The following SLC44A1 variants were observed in gnomAD, a reference collection of about 807,000 sequenced individuals.
The protein encoded by SLC44A1 is solute carrier family 44 member 1, also known as choline transporter-like protein 1.
A neutral mutation model predicts 79.3 loss-of-function variants in SLC44A1; 26 were observed. The ratio of observed to expected loss-of-function variants is 0.33; its 90% CI spans 0.24 to 0.46. SLC44A1 has a LOEUF of 0.46. Ranked by LOEUF, SLC44A1 falls within the 20% of genes least tolerant of loss-of-function variation. SLC44A1 has a pLI of 1.00. For missense variants in SLC44A1, 688 were observed against 798.1 expected (o/e 0.86, Z 1.66); for synonymous variants, 263 against 286.2 (o/e 0.92, Z 0.82).
intron 15 of SLC44A1, among the ~76,000 whole-genome samples, chr9:105,425,352 T>A (rs574293896): frequency 6.6e-6 from 1 of 152,312 alleles, no homozygotes; most frequent in South Asian, 2.1e-4. Context: ...AAAAAATACC[T>A]GAGCATAATT....
At chr9:105,365,339 A>G (rs1827905813) in intron 10 of SLC44A1, 144 bp from the exon 11 acceptor site, 2 of 610,544 alleles carry the variant, frequency 3.3e-6, no homozygotes, top group Admixed American at 3.0e-5. Flanking sequence ...ATAGTTATAT[A>G]TCACTTGGCC....
At chr9:105,416,186 C>T (rs377604068) in intron 15 of SLC44A1, among the ~76,000 whole-genome samples, 3 of 152,012 alleles carry the variant, frequency 2.0e-5, no homozygotes, top group South Asian at 2.1e-4. Flanking sequence ...CATGAGCCAC[C>T]GCACCCAGCC....
chr9:105,289,800 GTGTTTTTTTT>G (rs1017651907), intron 1 of SLC44A1, among the ~76,000 whole-genome samples: 4 of 150,178 alleles, frequency 2.7e-5, no homozygotes, highest in African/African-American at 7.4e-5. Context: ...TCAGTTCTCA[GTGTTTTTTTT>G]TGTTTTTTTT....
intron 4 of SLC44A1, among the ~76,000 whole-genome samples, chr9:105,344,905 A>G (rs1827202689): frequency 6.6e-6 from 1 of 152,208 alleles, no homozygotes; most frequent in African/African-American, 2.4e-5. Context: ...GTGTGTAGAA[A>G]TTCTGCTCAG....
chr9:105,354,039 C>CTTTTTTTTTTTTTTTTTT lies in SLC44A1; in HGVS notation c.501-2161_501-2144dup, dbSNP rs556502972. On this transcript the variant is annotated intron_variant, in intron 5 of 15. Coordinates refer to ENST00000374720, the MANE Select transcript of SLC44A1 (RefSeq NM_080546.5). ...TTGACTTAGAAATTTACAGTTAATC[C>CTTTTTTTTTTTTTTTTTT]TTTTTTTTTTTTTTTTTTTTTTTTT... 7.1e-5 allele frequency among the ~76,000 whole-genome samples: 7 copies of CTTTTTTTTTTTTTTTTTT among 98,484 alleles called. 1 individual carries two copies. The highest frequency in any genetic ancestry group is 3.0e-4 in the African/African-American group (6 of 19,764). The allele number at this position is 98,484 out of a possible 152,430, so 64.6% of individuals were successfully genotyped here.
chr9:105,361,055 G>A (rs1457510496), intron 7 of SLC44A1, 136 bp from the exon 8 acceptor site: 2 of 819,860 alleles, frequency 2.4e-6, no homozygotes, highest in Non-Finnish European at 2.0e-6. Context: ...TTATAGCTAT[G>A]TACTTCCCAG....
chr9:105,355,718 T>G (rs1232556456), intron 5 of SLC44A1, among the ~76,000 whole-genome samples: 2 of 152,230 alleles, frequency 1.3e-5, no homozygotes, highest in African/African-American at 4.8e-5. Context: ...TGAGATTTTG[T>G]ATGCTGTTTT....
chr9:105,319,312 A>G (rs1252477985), intron 3 of SLC44A1, among the ~76,000 whole-genome samples: 2 of 152,320 alleles, frequency 1.3e-5, no homozygotes, highest in East Asian at 3.9e-4. Flanking sequence ...AGGAAAGGAT[A>G]TAGAGTAAAA....
chr9:105,345,628 AG>A (rs1193640002), intron 4 of SLC44A1, among the ~76,000 whole-genome samples: 7 of 151,994 alleles, frequency 4.6e-5, no homozygotes, highest in African/African-American at 1.7e-4. Flanking sequence ...CATACCTCTT[AG>A]GGGAGTTGAT....
chr9:105,403,510 A>G (rs2131500571), intron 15 of SLC44A1, among the ~76,000 whole-genome samples: 2 of 151,886 alleles, frequency 1.3e-5, no homozygotes, highest in Non-Finnish European at 2.9e-5. Flanking sequence ...CAGAAAGATA[A>G]GTCTTCATTT....
Position 105,395,017 on chromosome 9 carries a change from A to C in SLC44A1, c.*5961A>C. 1 of 985,446 alleles carries C rather than the reference A, an allele frequency of 1.0e-6. No homozygotes were observed. Among genetic ancestry groups the C allele is most frequent in the African/African-American group, 1.7e-5 (1 of 57,342 alleles). 61.0% of individuals were successfully genotyped at this position (985,446 alleles called of 1,614,324 possible). A position where few individuals can be genotyped will look rare whatever the true frequency, so the allele number is the denominator to read the frequency against. The stretch of plus-strand genomic sequence containing the variant: ...TGGAAGGCTCCCTGGGCCCTTGAAA[A>C]AGCAGGCAGAAACTCATCAAGGGGT... On this transcript the variant is annotated 3_prime_UTR_variant, in exon 16 of 16. Coordinates refer to ENST00000374720, the MANE Select transcript of SLC44A1 (RefSeq NM_080546.5).
intron 3 of SLC44A1, among the ~76,000 whole-genome samples, chr9:105,321,368 T>G (rs1826388353): frequency 2.0e-5 from 3 of 152,236 alleles, no homozygotes; most frequent in Admixed American, 2.0e-4. Context: ...CAAAAATAGA[T>G]TTTGTTATAG....
Position 105,393,387 on chromosome 9 carries a change from A to T in SLC44A1, c.*4331A>T. ...CCAAGAGAAAATCTAAAGCTAGCAA[A>T]CTTAAAAAACAAAACAAAAATTACA... On this transcript the variant is annotated 3_prime_UTR_variant, in exon 16 of 16. Transcript: ENST00000374720. The T allele has an allele frequency of 1.0e-6, 1 of 985,352 alleles. No individual in the cohort carries two copies. The highest frequency in any genetic ancestry group is 1.2e-6 in the Non-Finnish European group (1 of 829,844). 61.0% of individuals were successfully genotyped at this position (985,352 alleles called of 1,614,324 possible).
In SLC44A1 at chr9:105,396,795, C is replaced by T. The variant is rs1828885940; in HGVS notation, c.*7739C>T. Reference sequence around the variant, plus strand: ...TTTTTGTATCTTGTCTTGTCTTTGTCCATTATAAACTGGAGGATCACAGTT... The same window carrying T: ...TTTTTGTATCTTGTCTTGTCTTTGTTCATTATAAACTGGAGGATCACAGTT... On this transcript the variant is annotated 3_prime_UTR_variant, in exon 16 of 16. Coordinates refer to ENST00000374720, the MANE Select transcript of SLC44A1 (RefSeq NM_080546.5). The T allele has an allele frequency of 1.0e-6, 1 of 983,630 alleles. No individual in the cohort carries two copies. The highest frequency in any genetic ancestry group is 1.8e-5 in the African/African-American group (1 of 56,758). The allele number at this position is 983,630 out of a possible 1,614,324, so 60.9% of individuals were successfully genotyped here.
chr9:105,358,106 A>G (rs1471658662), intron 6 of SLC44A1, among the ~76,000 whole-genome samples: 1 of 152,020 alleles, frequency 6.6e-6, no homozygotes, highest in Non-Finnish European at 1.5e-5. Flanking sequence ...ATTTGCATGT[A>G]TTTTTTTCTG....
At chr9:105,252,996 C>T (rs114624657) in intron 1 of SLC44A1, among the ~76,000 whole-genome samples, 1 of 152,094 alleles carries the variant, frequency 6.6e-6, no homozygotes, top group African/African-American at 2.4e-5. Flanking sequence ...TGGGGGACTC[C>T]TTTGTAATTG....
chr9:105,421,550 C>T (rs1325618120), intron 15 of SLC44A1, among the ~76,000 whole-genome samples: 1 of 149,776 alleles, frequency 6.7e-6, no homozygotes, highest in Non-Finnish European at 1.5e-5. Context: ...ATAATCCAAT[C>T]TTGCATTAGG....
chr9:105,399,024 C>T (rs1828922352), downstream of SLC44A1, among the ~76,000 whole-genome samples: 2 of 152,174 alleles, frequency 1.3e-5, no homozygotes, highest in Admixed American at 6.5e-5. Context: ...GGGCTGCATG[C>T]GTCTCGCGGG....
Position 105,389,642 on chromosome 9 carries a change from T to A in SLC44A1, c.*586T>A, listed in dbSNP as rs1434767669. On this transcript the variant is annotated 3_prime_UTR_variant, in exon 16 of 16. Transcript: ENST00000374720. ...GGGCCCAATATGGGAATTTTCATAA[T>A]AGTTCATACATTTGTCAGCCAACAT... 1 of 1,218,908 alleles carries A rather than the reference T, an allele frequency of 8.2e-7. No homozygotes were observed. Among genetic ancestry groups the A allele is most frequent in the African/African-American group, 1.6e-5 (1 of 64,122 alleles). 75.5% of individuals were successfully genotyped at this position (1,218,908 alleles called of 1,614,324 possible).
Sources: allele counts gnomAD v4.1 joint callset (sites outside exome capture counted in the v4.1 genomes callset), GRCh38; gene constraint gnomAD v4.1.1; transcripts MANE v1.5; gene names NCBI Gene and HGNC (gene_info 2026-07-23, HGNC 2026-07-21).